Variants in DIO2 observed in about 807,000 individuals in gnomAD.
DIO2 encodes type II iodothyronine deiodinase.
In DIO2, 19 loss-of-function variants were observed where a neutral mutation model predicts 21.4. That is an observed-to-expected ratio of 0.89 (90% CI 0.62 to 1.30). The LOEUF (loss-of-function observed/expected upper bound fraction) is 1.30, where lower values mean the gene tolerates loss of function less well. DIO2 is among the 50% of genes most tolerant of loss of function. The pLI, the probability that DIO2 is intolerant of heterozygous loss-of-function variation, is 0.00. For missense variants in DIO2, 302 were observed against 338.1 expected (o/e 0.89, Z 0.84); for synonymous variants, 122 against 132.9 (o/e 0.92, Z 0.57).
At chr14:80,223,479 C>T (rs549582811) in intron 2 of DIO2, among the ~76,000 whole-genome samples, 83 of 152,126 alleles carry the variant, frequency 5.5e-4, no homozygotes, top group African/African-American at 2.0e-3. Flanking sequence ...AATTATACTA[C>T]AATAGTAATG....
At chr14:80,213,556 T>C (rs915494648), upstream of DIO2, among the ~76,000 whole-genome samples, 1 of 152,226 alleles carries the variant, frequency 6.6e-6, no homozygotes, top group Non-Finnish European at 1.5e-5. Flanking sequence ...CAAAAAAGAA[T>C]GCCTTTAGGT....
rs879197964 is a variant in DIO2 at position 80,202,493 on chromosome 14, T to C, written c.*196A>G. On this transcript the variant is annotated 3_prime_UTR_variant, in exon 2 of 2. Coordinates refer to ENST00000438257, the MANE Select transcript of DIO2 (RefSeq NM_013989.5). ...GGCTTTTTACTAAGAAGAGAGGTGA[T>C]ATGGTTACTTACTCAGCCCAATGCC... The C allele has an allele frequency of 4.5e-5, 33 of 732,848 alleles. No homozygotes were observed. The South Asian group carries it at 4.9e-4, about 11-fold the overall frequency. 45.4% of individuals were successfully genotyped at this position (732,848 alleles called of 1,614,324 possible).
In DIO2 at chr14:80,222,586, T is replaced by A. The variant is rs1345174408; in HGVS notation, c.-277-5849A>T. On this transcript the variant is annotated intron_variant, in intron 2 of 4. Coordinates refer to the DIO2 transcript ENST00000553594. Reference sequence around the variant, plus strand: ...TAAGTAACTTGAAAATGCAAAAAATTTCCTATATTCTTGAATGTTTTAGTT... The same window carrying A: ...TAAGTAACTTGAAAATGCAAAAAATATCCTATATTCTTGAATGTTTTAGTT... Among the ~76,000 whole-genome samples, 3 of 152,202 alleles carry A rather than the reference T, an allele frequency of 2.0e-5. No individual in the cohort carries two copies. The East Asian group carries it at 5.8e-4, about 29-fold the overall frequency.
chr14:80,207,097 G>A (rs1409283545), intron 1 of DIO2, among the ~76,000 whole-genome samples: 2 of 152,128 alleles, frequency 1.3e-5, no homozygotes, highest in African/African-American at 4.8e-5. Context: ...CCTCTCTTAT[G>A]TTTTTGCAAG....
intron 2 of DIO2, among the ~76,000 whole-genome samples, chr14:80,227,803 G>C (rs767158650): frequency 2.0e-4 from 31 of 152,196 alleles, no homozygotes; most frequent in Non-Finnish European, 3.7e-4. Context: ...TGAATCACTA[G>C]ATAAAGGGGC....
upstream of DIO2, among the ~76,000 whole-genome samples, chr14:80,213,200 C>A (rs1053069927): frequency 3.3e-5 from 5 of 152,200 alleles, no homozygotes; most frequent in Admixed American, 1.3e-4. Context: ...GCAGACAATG[C>A]TTTGGCAGAA....
In DIO2 at chr14:80,207,096, T is replaced by C. The variant is rs559665337; in HGVS notation, c.223-3808A>G. On this transcript the variant is annotated intron_variant, in intron 1 of 1. Transcript: ENST00000438257. ...GCACTATTACAGTGGTCCTCTCTTA[T>C]GTTTTTGCAAGCAACATCAACACAA... Among the ~76,000 whole-genome samples, 4 of 152,322 alleles carry C rather than the reference T, an allele frequency of 2.6e-5. No individual in the cohort carries two copies. In the South Asian group the frequency reaches 6.2e-4, roughly 24 times the overall value.
chr14:80,212,970 A>G (rs1041172271), upstream of DIO2, among the ~76,000 whole-genome samples: 1 of 152,220 alleles, frequency 6.6e-6, no homozygotes, highest in Non-Finnish European at 1.5e-5. Context: ...CATAAGGCTG[A>G]GAAATTATTA....
chr14:80,206,469 G>C (rs1184737940), intron 1 of DIO2: 8 of 550,980 alleles, frequency 1.5e-5, no homozygotes, highest in Non-Finnish European at 2.2e-5. Context: ...ATTCCTAATA[G>C]ACCAGAGTTT....
intron 2 of DIO2, among the ~76,000 whole-genome samples, chr14:80,229,432 C>G (rs1888642143): frequency 6.6e-6 from 1 of 152,230 alleles, no homozygotes; most frequent in Admixed American, 6.5e-5. Context: ...ACTGTTAGAT[C>G]TGACATATAA....
rs2139991603 is a variant in DIO2, at chr14:80,200,096, T to C, written c.*2593A>G. 6.5e-6 allele frequency: 1 copy of C among 152,720 alleles called. No homozygotes were observed. Among genetic ancestry groups the C allele is most frequent in the East Asian group, 1.9e-4 (1 of 5,176 alleles). 9.5% of individuals were successfully genotyped at this position (152,720 alleles called of 1,614,324 possible). ...TCATAAAAATTCATGTTGCGATAAA[T>C]AGGTTACATAATTACAGGCTTAACC... On this transcript the variant is annotated 3_prime_UTR_variant, in exon 2 of 2. Transcript: ENST00000438257.
rs1887576741 is a variant in DIO2 at position 80,198,570 on chromosome 14, C to G, written c.*4119G>C. On this transcript the variant is annotated 3_prime_UTR_variant, in exon 2 of 2. Coordinates refer to ENST00000438257, the MANE Select transcript of DIO2 (RefSeq NM_013989.5). ...TCCCAGTTAGCAACTTTCTAGCTCT[C>G]CCATCCTAGATCCTCTCTTTTCTTA... The G allele has an allele frequency of 6.6e-6, 1 of 152,210 alleles. No individual in the cohort carries two copies. Among genetic ancestry groups the G allele is most frequent in the Admixed American group, 6.5e-5 (1 of 15,270 alleles). 9.4% of individuals were successfully genotyped at this position (152,210 alleles called of 1,614,324 possible). A position where few individuals can be genotyped will look rare whatever the true frequency, so the allele number is the denominator to read the frequency against.
At chr14:80,214,628 AT>A (rs1276947646), upstream of DIO2, among the ~76,000 whole-genome samples, 1 of 152,194 alleles carries the variant, frequency 6.6e-6, no homozygotes, top group Non-Finnish European at 1.5e-5. Context: ...ACTGAGGGCC[AT>A]TCCTCTAGCA....
In DIO2 at chr14:80,202,163, C is replaced by T; in HGVS notation, c.*526G>A. The T allele has an allele frequency of 5.5e-6, 2 of 362,274 alleles. No individual in the cohort carries two copies. Among genetic ancestry groups the T allele is most frequent in the South Asian group, 4.2e-5 (2 of 47,756 alleles). The allele number at this position is 362,274 out of a possible 1,614,324, so 22.4% of individuals were successfully genotyped here. ...AGCACTACATGGCTAGAAGCTGGAA[C>T]ATCAGAAATGACTCTAACATAAGGT... On this transcript the variant is annotated 3_prime_UTR_variant, in exon 2 of 2. Coordinates refer to ENST00000438257, the MANE Select transcript of DIO2 (RefSeq NM_013989.5).
intron 2 of DIO2, among the ~76,000 whole-genome samples, chr14:80,219,024 C>T (rs560654455): frequency 2.6e-5 from 4 of 152,280 alleles, no homozygotes; most frequent in Admixed American, 6.5e-5. Flanking sequence ...ACTTTGGGTA[C>T]TACTTTGCAT....
intron 1 of DIO2, chr14:80,205,589 A>G: frequency 7.6e-7 from 1 of 1,314,976 alleles, no homozygotes; most frequent in Non-Finnish European, 9.9e-7. Context: ...GTCACAGGGG[A>G]CTCTCTTATT....
chr14:80,218,822 A>G lies in DIO2; in HGVS notation c.-277-2085T>C, dbSNP rs545468797. ...ATGAAACCCCATCTGTACTTAAAATACAAAAATTAGCATGGCGTGGTGGTG... is the reference window on the plus strand; with the variant it reads ...ATGAAACCCCATCTGTACTTAAAATGCAAAAATTAGCATGGCGTGGTGGTG... On this transcript the variant is annotated intron_variant, in intron 2 of 4. Transcript: ENST00000553594. Among the ~76,000 whole-genome samples, 3 of 152,196 alleles carry G rather than the reference A, an allele frequency of 2.0e-5. No individual in the cohort carries two copies. The East Asian group carries it at 5.8e-4, about 30-fold the overall frequency.
chr14:80,204,113 G>A (rs1887857096), intron 1 of DIO2, among the ~76,000 whole-genome samples: 1 of 151,690 alleles, frequency 6.6e-6, no homozygotes, highest in Admixed American at 6.6e-5. Flanking sequence ...GCAAAGCTTT[G>A]CACTCTCCTC....
chr14:80,202,994 G>A lies in DIO2; in HGVS notation c.517C>T (p.Pro173Ser), dbSNP rs760217727. 1 of 1,613,924 alleles carries A rather than the reference G, an allele frequency of 6.2e-7. No homozygotes were observed. ...TCAAAAGACAAAGAGGAGTCCCCCG[G>A]TATCGCCCAGCCATCTGATGGATGA... ...EAHPSDGWAI[P>S]GDSSLSFEVK... The change falls in exon 2 of 2, where the codon CCG becomes TCG. Residue 173 changes from proline to serine, a missense_variant. Physicochemically the swap from Pro to Ser is moderately conservative, Grantham distance 74. Coordinates refer to ENST00000438257, the MANE Select transcript of DIO2 (RefSeq NM_013989.5).
Sources: gnomAD v4.1 joint callset for allele counts (sites outside exome capture counted in the v4.1 genomes callset) on GRCh38, gnomAD v4.1.1 for gene constraint, MANE v1.5 for transcripts, NCBI Gene and HGNC (gene_info 2026-07-23, HGNC 2026-07-21) for gene names.